Variants in ZKSCAN5 observed in about 807,000 individuals in gnomAD.
The protein encoded by ZKSCAN5 is zinc finger with KRAB and SCAN domains 5.
ZKSCAN5 carries 28 observed loss-of-function variants against 60.0 expected under a neutral mutation model. The ratio of observed to expected loss-of-function variants is 0.47; its 90% CI spans 0.35 to 0.64. ZKSCAN5 has a LOEUF of 0.64. Among genes scored for constraint, ZKSCAN5 ranks in the 30% least tolerant of loss-of-function variants. The pLI is 0.01. For synonymous variants in ZKSCAN5, 361 were observed against 371.2 expected (o/e 0.97, Z 0.31); for missense variants, 881 against 1,034.6 (o/e 0.85, Z 2.04).
In ZKSCAN5 at chr7:99,531,638, G is replaced by T; in HGVS notation, c.1909G>T (p.Glu637Ter). Reference sequence around the variant, plus strand: ...TGGGGAGAGACCCTTCAAGTGTAACGAATGTGGGAAAGGCTTTGGGAGGCG... The same window carrying T: ...TGGGGAGAGACCCTTCAAGTGTAACTAATGTGGGAAAGGCTTTGGGAGGCG... The part of the protein sequence containing the change: ...HSGERPFKCN[E>*]CGKGFGRRSH... Residue 637 changes from glutamate to a stop codon, truncating the protein, a stop_gained, in exon 7 of 7, where the codon GAA (glutamate) becomes TAA (stop). Transcript: ENST00000326775. LOFTEE classifies it high-confidence loss of function. 6.2e-7 allele frequency: 1 copy of T among 1,614,156 alleles called. No homozygotes were observed. The highest frequency in any genetic ancestry group is 8.5e-7 in the Non-Finnish European group (1 of 1,180,038).
In ZKSCAN5 at chr7:99,533,991, C is replaced by T. The variant is rs1028412322; in HGVS notation, c.*1742C>T. 1 of 184,638 alleles carries T rather than the reference C, an allele frequency of 5.4e-6. No homozygotes were observed. The highest frequency in any genetic ancestry group is 2.3e-5 in the African/African-American group (1 of 42,732). 11.4% of individuals were successfully genotyped at this position (184,638 alleles called of 1,614,324 possible). ...TGTTAATAGTCCTGGCATGTGGTAC[C>T]TGTCCAGTCACTAAGTCATTCACTT... is the stretch of plus-strand genomic sequence containing the variant. On this transcript the variant is annotated 3_prime_UTR_variant, in exon 7 of 7. Transcript: ENST00000326775.
intron 5 of ZKSCAN5, among the ~76,000 whole-genome samples, chr7:99,523,672 A>G (rs1283286345): frequency 6.6e-6 from 1 of 152,160 alleles, no homozygotes; most frequent in African/African-American, 2.4e-5. Flanking sequence ...AAAGAGAAAA[A>G]AAATACTATG....
At chr7:99,511,401 G>C (rs577897350) in intron 2 of ZKSCAN5, among the ~76,000 whole-genome samples, 3 of 152,156 alleles carry the variant, frequency 2.0e-5, no homozygotes, top group Admixed American at 6.5e-5. Flanking sequence ...ATTCCTGACT[G>C]TACTAGACAT....
intron 3 of ZKSCAN5, among the ~76,000 whole-genome samples, chr7:99,516,759 C>T (rs1801283731): frequency 6.6e-6 from 1 of 152,158 alleles, no homozygotes; most frequent in Non-Finnish European, 1.5e-5. Context: ...CCCCGATCTC[C>T]ATTCCTACTG....
At chr7:99,517,923 G>A (rs1184791057) in intron 3 of ZKSCAN5, among the ~76,000 whole-genome samples, 1 of 152,118 alleles carries the variant, frequency 6.6e-6, no homozygotes, top group Middle Eastern at 3.2e-3. Flanking sequence ...GCCGTGGGTT[G>A]GGCAAGCTTG....
intron 6 of ZKSCAN5, among the ~76,000 whole-genome samples, 177 bp from the exon 7 acceptor site, chr7:99,530,931 C>T (rs569242173): frequency 6.6e-6 from 1 of 152,142 alleles, no homozygotes; most frequent in East Asian, 1.9e-4. Flanking sequence ...GTCATGCACG[C>T]CTGTAGTCTC....
chr7:99,512,537 G>A lies in ZKSCAN5; in HGVS notation c.499G>A (p.Val167Met), dbSNP rs777895849. ...GTCCTGCAGCCCCCATCCCCTGACC[G>A]TGGACACCCAGCCTGAGCAAGCGCC... ...QESCSPHPLT[V>M]DTQPEQAPQK... Residue 167 changes from valine to methionine, a missense_variant, in exon 3 of 7, where the codon GTG (valine) becomes ATG (methionine). By Grantham distance (21) the Val-to-Met change is conservative. Transcript: ENST00000326775. The A allele has an allele frequency of 4.3e-6, 7 of 1,613,962 alleles. No individual in the cohort carries two copies. The highest frequency in any genetic ancestry group is 2.2e-5 in the East Asian group (1 of 44,884).
chr7:99,520,387 G>A (rs1801478353), intron 5 of ZKSCAN5, 83 bp downstream of exon 5: 3 of 1,446,556 alleles, frequency 2.1e-6, no homozygotes, highest in African/African-American at 2.9e-5. Context: ...TCTTATAATG[G>A]CATTTATGTT....
chr7:99,505,564 G>C (rs1338766963), intron 1 of ZKSCAN5: 1 of 160,340 alleles, frequency 6.2e-6, no homozygotes, highest in Non-Finnish European at 1.4e-5. Flanking sequence ...GGCCTGTCAA[G>C]CTCTTGTAGC....
chr7:99,508,213 C>T (rs913207592), intron 2 of ZKSCAN5, among the ~76,000 whole-genome samples: 7 of 151,896 alleles, frequency 4.6e-5, no homozygotes, highest in Non-Finnish European at 7.4e-5. Flanking sequence ...GCAGGAGAAT[C>T]GCTTGAACCT....
In ZKSCAN5 at chr7:99,531,961, C is replaced by G. The variant is rs1419009501; in HGVS notation, c.2232C>G (p.Pro744=). 6.2e-7 allele frequency: 1 copy of G among 1,614,130 alleles called. No individual in the cohort carries two copies. The highest frequency in any genetic ancestry group is 1.7e-5 in the Admixed American group (1 of 60,018). ...QHYRTHTAEK[P]YQCDICRENV... is the part of the protein sequence containing the mutation. ...ACAGAACTCATACAGCAGAGAAGCC[C>G]TATCAATGTGATATATGTAGAGAAA... The change falls in exon 7 of 7, where the codon CCC becomes CCG. Residue 744 remains proline (P), a synonymous_variant. Coordinates refer to ENST00000326775, the MANE Select transcript of ZKSCAN5 (RefSeq NM_145102.4).
Position 99,531,800 on chromosome 7 carries a change from A to G in ZKSCAN5, c.2071A>G (p.Asn691Asp). 1 of 1,614,234 alleles carries G rather than the reference A, an allele frequency of 6.2e-7. No individual in the cohort carries two copies. Among genetic ancestry groups the G allele is most frequent in the Non-Finnish European group, 8.5e-7 (1 of 1,180,048 alleles). ...VLHMGQKNEKNGICEEAYSWN... is the reference protein window; with the variant it reads ...VLHMGQKNEKDGICEEAYSWN... ...CCACATGGGTCAGAAAAATGAAAAAAATGGCATCTGTGAGGAAGCATATAG... is the reference window on the plus strand; with the variant it reads ...CCACATGGGTCAGAAAAATGAAAAAGATGGCATCTGTGAGGAAGCATATAG... Residue 691 changes from asparagine (N) to aspartate (D), a missense_variant, in exon 7 of 7, where the codon AAT (asparagine) becomes GAT (aspartate). This residue lies in a region of ZKSCAN5 where 112 missense variants were observed against 182.4 expected (regional missense o/e 0.61). Coordinates refer to ENST00000326775, the MANE Select transcript of ZKSCAN5 (RefSeq NM_145102.4).
intron 2 of ZKSCAN5, among the ~76,000 whole-genome samples, chr7:99,509,335 G>T (rs1187136565): frequency 6.6e-6 from 1 of 152,156 alleles, no homozygotes; most frequent in African/African-American, 2.4e-5. Context: ...TGTTGGCCAG[G>T]ATGTTCTCAA....
chr7:99,518,465 A>C (rs946130599), intron 3 of ZKSCAN5, among the ~76,000 whole-genome samples: 2 of 151,858 alleles, frequency 1.3e-5, no homozygotes, highest in African/African-American at 4.8e-5. Context: ...ATGAAAAAGA[A>C]ATGCAAACTC....
chr7:99,508,815 CTTT>C (rs1411652129), intron 2 of ZKSCAN5, among the ~76,000 whole-genome samples: 3 of 126,742 alleles, frequency 2.4e-5, no homozygotes, highest in Admixed American at 1.6e-4. Context: ...TTCTTTCTTT[CTTT>C]TTTTTTTTTT....
chr7:99,509,269 G>T (rs1276759580), intron 2 of ZKSCAN5, among the ~76,000 whole-genome samples: 1 of 152,162 alleles, frequency 6.6e-6, no homozygotes, highest in Non-Finnish European at 1.5e-5. Context: ...GATTACAGGC[G>T]TAAGCCACAT....
intron 3 of ZKSCAN5, among the ~76,000 whole-genome samples, chr7:99,517,703 C>T (rs1367157816): frequency 2.0e-5 from 3 of 151,632 alleles, no homozygotes; most frequent in Non-Finnish European, 4.4e-5. Context: ...CAAAATTAGC[C>T]GGGTGTGGTG....
chr7:99,512,548 G>A lies in ZKSCAN5; in HGVS notation c.510G>A (p.Gln170=). ...CSPHPLTVDT[Q]PEQAPQKPRL... ...CCCATCCCCTGACCGTGGACACCCA[G>A]CCTGAGCAAGCGCCACAGAAGCCTC... The change falls in exon 3 of 7, where the codon CAG becomes CAA. Residue 170 remains glutamine (Q), a synonymous_variant. Coordinates refer to ENST00000326775, the MANE Select transcript of ZKSCAN5 (RefSeq NM_145102.4). 1 of 1,614,150 alleles carries A rather than the reference G, an allele frequency of 6.2e-7. No homozygotes were observed. The highest frequency in any genetic ancestry group is 8.5e-7 in the Non-Finnish European group (1 of 1,179,994).
rs768730204 is a variant in ZKSCAN5 at position 99,526,362 on chromosome 7, G to A, written c.1322G>A (p.Arg441His). Reference protein sequence around the residue: ...GCNECGKNFGRHSHLIEHLKR... With the variant: ...GCNECGKNFGHHSHLIEHLKR... The stretch of plus-strand genomic sequence containing the variant: ...AATGAGTGTGGGAAGAACTTCGGTC[G>A]CCATTCGCATCTGATCGAACACCTA... The change falls in exon 6 of 7, where the codon CGC becomes CAC. Residue 441 changes from arginine (R) to histidine (H), a missense_variant. Arg to His is a conservative substitution (Grantham distance 29). Transcript: ENST00000326775. 24 of 1,604,706 alleles carry A rather than the reference G, an allele frequency of 1.5e-5. No homozygotes were observed. Among genetic ancestry groups the A allele is most frequent in the Non-Finnish European group, 2.0e-5 (24 of 1,179,992 alleles).
Sources: allele counts gnomAD v4.1 joint callset (sites outside exome capture counted in the v4.1 genomes callset), GRCh38; gene constraint gnomAD v4.1.1; regional missense constraint gnomAD v4.1.1; transcripts MANE v1.5; gene names NCBI Gene and HGNC (gene_info 2026-07-23, HGNC 2026-07-21).